Variants in PCDH15 observed in about 807,000 individuals in gnomAD.
PCDH15 encodes the protein protocadherin-15.
In PCDH15, 129 loss-of-function variants were observed where a neutral mutation model predicts 178.5. The ratio of observed to expected loss-of-function variants is 0.72; its 90% CI spans 0.63 to 0.84. The LOEUF is 0.84. Among genes scored for constraint, PCDH15 ranks in the 40% least tolerant of loss-of-function variants. PCDH15 has a pLI of 0.00. For missense variants in PCDH15, 2,230 were observed against 2,099.9 expected, an observed-to-expected ratio of 1.06 and a Z score of -1.21; for synonymous variants, 800 against 732.0, an observed-to-expected ratio of 1.09 and a Z score of -1.50.
intron 2 of PCDH15, among the ~76,000 whole-genome samples, chr10:55,360,068 A>G (rs1247312467): frequency 1.3e-5 from 2 of 152,016 alleles, no homozygotes; most frequent in African/African-American, 4.8e-5. Context: ...ATCTATCAAT[A>G]GTAACTACAG....
rs1843224953 is a variant in PCDH15 at position 55,299,781 on chromosome 10, T to G, written c.-156+19818A>C. Among the ~76,000 whole-genome samples, 3 of 152,274 alleles carry G rather than the reference T, an allele frequency of 2.0e-5. 1 individual carries two copies. Among genetic ancestry groups the G allele is most frequent in the Middle Eastern group, 6.8e-3 (2 of 294 alleles). On this transcript the variant is annotated intron_variant, in intron 1 of 5. Transcript: ENST00000458638. ...GCTAATTTAAGTATTCAATTATAAT[T>G]GAACCAAATGGCAACAGGCAAGAAA...
At chr10:53,807,955 G>A (rs1379032323) in intron 37 of PCDH15, 1 of 151,962 alleles carries the variant, frequency 6.6e-6, no homozygotes, top group East Asian at 1.9e-4. Context: ...CGCATTTTTG[G>A]AATATGTGAA....
At chr10:55,457,684 G>C (rs60481889) in intron 2 of PCDH15, among the ~76,000 whole-genome samples, 3,206 of 152,072 alleles carry the variant, frequency 0.021, 111 homozygotes, top group African/African-American at 0.073. Flanking sequence ...CTGAGGGCCC[G>C]ACGGCTTCCT....
chr10:54,763,579 T>C (rs1566166735), intron 1 of PCDH15, among the ~76,000 whole-genome samples: 1 of 151,984 alleles, frequency 6.6e-6, no homozygotes, highest in Non-Finnish European at 1.5e-5. Context: ...ACTAATTCAT[T>C]GTATATGTCA....
At chr10:54,463,478 G>A (rs1249558959) in intron 3 of PCDH15, among the ~76,000 whole-genome samples, 2 of 152,152 alleles carry the variant, frequency 1.3e-5, no homozygotes, top group South Asian at 2.1e-4. Flanking sequence ...AAATGAGGTG[G>A]TTTGGCCTCA....
chr10:53,925,417 C>G lies in PCDH15; in HGVS notation c.3373+13398G>C, dbSNP rs543626288. On this transcript the variant is annotated intron_variant, in intron 25 of 37. Transcript: ENST00000644397. ...AGAAGGAAGAAACTCCGAACACGCC[C>G]GAACATCAGAAGGAAAGAACTCCAG... is the stretch of plus-strand genomic sequence containing the variant. Among the ~76,000 whole-genome samples the G allele has an allele frequency of 3.9e-5, 6 of 152,222 alleles. No individual in the cohort carries two copies. The East Asian group carries it at 1.2e-3, about 29-fold the overall frequency.
intron 2 of PCDH15, among the ~76,000 whole-genome samples, chr10:55,097,847 T>C (rs947806987): frequency 6.6e-6 from 1 of 152,136 alleles, no homozygotes; most frequent in Non-Finnish European, 1.5e-5. Context: ...CACTCTGTAC[T>C]TTAAAGACTG....
intron 20 of PCDH15, among the ~76,000 whole-genome samples, chr10:54,017,067 G>A (rs538200808): frequency 5.3e-5 from 8 of 151,888 alleles, no homozygotes; most frequent in East Asian, 1.9e-4. Context: ...TTTGTTGCCC[G>A]GGCTGGAGTA....
At chr10:55,138,501 C>G (rs1209259850) in intron 2 of PCDH15, among the ~76,000 whole-genome samples, 1 of 152,062 alleles carries the variant, frequency 6.6e-6, no homozygotes, top group Non-Finnish European at 1.5e-5. Context: ...TGCGTTTCCC[C>G]CAATGTTGTG....
chr10:55,603,535 C>T (rs1843136068), intron 2 of PCDH15, among the ~76,000 whole-genome samples: 1 of 152,086 alleles, frequency 6.6e-6, no homozygotes, highest in Non-Finnish European at 1.5e-5. Context: ...ATCAGACTAA[C>T]AGTGAATCTC....
intron 2 of PCDH15, among the ~76,000 whole-genome samples, chr10:54,647,082 A>T (rs543244749): frequency 6.6e-6 from 1 of 152,234 alleles, no homozygotes; most frequent in South Asian, 2.1e-4. Flanking sequence ...GTGCGGAGAC[A>T]ACCTAACTTT....
rs936180328 is a variant in PCDH15, at chr10:55,253,855, C to T, written c.-156+65744G>A. ...TATTTTATGCATTTTAAGTCAAGCA[C>T]ATTGTACACTGCAAAGTAGTCAACC... On this transcript the variant is annotated intron_variant, in intron 1 of 5. Coordinates refer to the PCDH15 transcript ENST00000458638. Among the ~76,000 whole-genome samples the T allele has an allele frequency of 5.3e-5, 8 of 152,238 alleles. No individual in the cohort carries two copies. The South Asian group carries it at 1.7e-3, about 32-fold the overall frequency.
chr10:55,267,961 T>G (rs1842343869), intron 1 of PCDH15, among the ~76,000 whole-genome samples: 1 of 148,992 alleles, frequency 6.7e-6, no homozygotes, highest in South Asian at 2.1e-4. Flanking sequence ...AAACTTCAAG[T>G]TTAATCCTTT....
chr10:55,555,571 A>T (rs953828361), intron 2 of PCDH15, among the ~76,000 whole-genome samples: 1 of 152,126 alleles, frequency 6.6e-6, no homozygotes, highest in Non-Finnish European at 1.5e-5. Flanking sequence ...GACTTAAAGA[A>T]GGAGAAACAA....
chr10:54,932,392 G>A (rs1837801613), intron 2 of PCDH15, among the ~76,000 whole-genome samples: 1 of 152,188 alleles, frequency 6.6e-6, no homozygotes, highest in Non-Finnish European at 1.5e-5. Flanking sequence ...ACATATTTTT[G>A]TACAGCTGTA....
At chr10:54,784,768 ACT>A (rs1319027327) in intron 1 of PCDH15, among the ~76,000 whole-genome samples, 1 of 151,954 alleles carries the variant, frequency 6.6e-6, no homozygotes, top group East Asian at 1.9e-4. Flanking sequence ...TATTTGTATA[ACT>A]CTGCATAATC....
intron 1 of PCDH15, among the ~76,000 whole-genome samples, chr10:54,710,295 A>G (rs1450417339): frequency 6.6e-6 from 1 of 152,088 alleles, no homozygotes; most frequent in Non-Finnish European, 1.5e-5. Flanking sequence ...TAAGGGTTTT[A>G]CAAACACTGA....
At chr10:53,879,571 A>G (rs570407096) in intron 26 of PCDH15, among the ~76,000 whole-genome samples, 1 of 152,346 alleles carries the variant, frequency 6.6e-6, no homozygotes, top group Admixed American at 6.5e-5. Flanking sequence ...TAAAAGGTAT[A>G]CCATTCATAA....
At chr10:54,277,122 A>G (rs1450091518) in intron 8 of PCDH15, among the ~76,000 whole-genome samples, 1 of 151,616 alleles carries the variant, frequency 6.6e-6, no homozygotes, top group Non-Finnish European at 1.5e-5. Context: ...GAGCAGACGT[A>G]GAGAAAAATA....
Sources: allele counts gnomAD v4.1 joint callset (sites outside exome capture counted in the v4.1 genomes callset), GRCh38; gene constraint gnomAD v4.1.1; transcripts MANE v1.5; gene names NCBI Gene and HGNC (gene_info 2026-07-23, HGNC 2026-07-21).